The following DISC1 variants were observed in gnomAD, a reference collection of about 807,000 sequenced individuals.
The protein encoded by DISC1 is disrupted in schizophrenia 1 protein.
A neutral mutation model predicts 84.5 loss-of-function variants in DISC1; 57 were observed. The observed-to-expected ratio is 0.67, with a 90% CI of 0.55 to 0.84. The LOEUF is 0.84. DISC1 is among the 40% of genes least tolerant of loss of function. DISC1 has a pLI of 0.00. For missense variants in DISC1, 1,000 were observed against 1,057.8 expected, an observed-to-expected ratio of 0.95 and a Z score of 0.76; for synonymous variants, 411 against 415.2, an observed-to-expected ratio of 0.99 and a Z score of 0.12.
intron 9 of DISC1, among the ~76,000 whole-genome samples, chr1:231,864,361 A>G (rs2084895605): frequency 6.6e-6 from 1 of 152,086 alleles, no homozygotes; most frequent in Non-Finnish European, 1.5e-5. Flanking sequence ...TGGTAGTGTC[A>G]TTAGAAAACC....
intron 6 of DISC1, chr1:231,771,522 G>GT: frequency 1.0e-6 from 1 of 985,422 alleles, no homozygotes; most frequent in South Asian, 4.7e-5. Flanking sequence ...ATTGTTACTG[G>GT]TAGCTAAAAT....
At chr1:231,816,210 A>T (rs2125741075) in intron 8 of DISC1, among the ~76,000 whole-genome samples, 1 of 152,278 alleles carries the variant, frequency 6.6e-6, no homozygotes, top group Admixed American at 6.5e-5. Context: ...ATGATGTCAA[A>T]TGTTTTTTCA....
chr1:231,933,610 C>T (rs1337991168), intron 9 of DISC1, among the ~76,000 whole-genome samples: 1 of 152,144 alleles, frequency 6.6e-6, no homozygotes, highest in Non-Finnish European at 1.5e-5. Flanking sequence ...GTTCTCATCC[C>T]TAGTATTGTG....
At chr1:231,936,760 GC>G (rs1450106761) in intron 9 of DISC1, among the ~76,000 whole-genome samples, 1 of 152,140 alleles carries the variant, frequency 6.6e-6, no homozygotes, top group Admixed American at 6.5e-5. Flanking sequence ...TTAAGAAGGA[GC>G]CCATAGGAGT....
At chr1:231,683,546 C>T (rs961915754) in intron 1 of DISC1, among the ~76,000 whole-genome samples, 2 of 149,572 alleles carry the variant, frequency 1.3e-5, no homozygotes, top group African/African-American at 4.9e-5. Flanking sequence ...CTGGGCACAT[C>T]TAGGATGCAT....
intron 9 of DISC1, among the ~76,000 whole-genome samples, chr1:231,948,618 A>C (rs2126151627): frequency 6.6e-6 from 1 of 152,036 alleles, no homozygotes; most frequent in East Asian, 1.9e-4. Context: ...AAAAAAAAGA[A>C]GTGCTCCCAG....
chr1:231,801,574 C>T (rs1427264863), intron 8 of DISC1, among the ~76,000 whole-genome samples: 3 of 152,100 alleles, frequency 2.0e-5, no homozygotes, highest in Non-Finnish European at 4.4e-5. Context: ...CTGAATTAAC[C>T]CTCCTGGTAA....
At chr1:231,776,923 C>G (rs1034251315) in intron 6 of DISC1, among the ~76,000 whole-genome samples, 5 of 152,144 alleles carry the variant, frequency 3.3e-5, no homozygotes, top group Non-Finnish European at 7.3e-5. Context: ...CATTAATGCT[C>G]TTGCCCCGGG....
intron 8 of DISC1, among the ~76,000 whole-genome samples, chr1:231,803,251 AGCAAGTGTCCCAAGAGAAAG>A (rs2079420260): frequency 6.6e-6 from 1 of 152,188 alleles, no homozygotes; most frequent in South Asian, 2.1e-4. Context: ...GGGTTCCAAG[AGCAAGTGTCCCAAGAGAAAG>A]GAAATGGAAA....
At chr1:232,025,524 A>G (rs982933553) in intron 11 of DISC1, among the ~76,000 whole-genome samples, 7 of 152,076 alleles carry the variant, frequency 4.6e-5, no homozygotes, top group African/African-American at 1.7e-4. Context: ...GATCAATACT[A>G]CGTGCCTGTC....
At position 231,799,012 on chromosome 1, in the gene DISC1, T is replaced by C. The variant is rs576542226; in HGVS notation, c.1690-1096T>C. Among the ~76,000 whole-genome samples, 11 of 152,238 alleles carry C rather than the reference T, an allele frequency of 7.2e-5. No homozygotes were observed. The South Asian group carries it at 1.7e-3, about 23-fold the overall frequency. Reference sequence around the variant, plus strand: ...GGTAGCTCATTAATCTGAGTCTAGATAACATTGGCATATGAAAAGTCTTGA... The same window carrying C: ...GGTAGCTCATTAATCTGAGTCTAGACAACATTGGCATATGAAAAGTCTTGA... On this transcript the variant is annotated intron_variant, in intron 7 of 12. Transcript: ENST00000439617.
intron 6 of DISC1, among the ~76,000 whole-genome samples, chr1:231,788,634 G>C (rs966718116): frequency 6.6e-6 from 1 of 152,194 alleles, no homozygotes. Flanking sequence ...CCCTCTAACA[G>C]AGATAAACCA....
chr1:231,968,240 C>T (rs555140293), intron 10 of DISC1, among the ~76,000 whole-genome samples: 11 of 152,230 alleles, frequency 7.2e-5, no homozygotes, highest in African/African-American at 1.7e-4. Context: ...TGCAGTTCTT[C>T]GGAGAGAGAA....
At chr1:231,896,861 C>T (rs1205761649) in intron 9 of DISC1, among the ~76,000 whole-genome samples, 2 of 152,164 alleles carry the variant, frequency 1.3e-5, no homozygotes, top group East Asian at 1.9e-4. Flanking sequence ...GAAGTCCTGC[C>T]TATAATTGAG....
intron 9 of DISC1, chr1:231,866,776 G>A (rs1248601004): frequency 1.1e-5 from 13 of 1,204,070 alleles, no homozygotes; most frequent in Admixed American, 7.0e-5. Flanking sequence ...TTGACGAAAG[G>A]GTATAATTAA....
intron 9 of DISC1, among the ~76,000 whole-genome samples, chr1:231,940,497 C>T (rs1409210393): frequency 6.6e-6 from 1 of 152,164 alleles, no homozygotes; most frequent in African/African-American, 2.4e-5. Context: ...TTTTAAATGT[C>T]GTATTCTCCT....
intron 10 of DISC1, among the ~76,000 whole-genome samples, chr1:231,979,225 G>T (rs1320144233): frequency 6.6e-6 from 1 of 151,716 alleles, no homozygotes; most frequent in African/African-American, 2.4e-5. Flanking sequence ...TCTACATTAT[G>T]GTGAGTTGTA....
At chr1:231,665,285 A>T (rs183958319) in intron 1 of DISC1, among the ~76,000 whole-genome samples, 6 of 151,750 alleles carry the variant, frequency 4.0e-5, no homozygotes, top group Admixed American at 1.3e-4. Context: ...TTGCAATGAA[A>T]GTTATCTCTT....
At chr1:231,909,399 G>A (rs539378155) in intron 9 of DISC1, among the ~76,000 whole-genome samples, 67 of 152,158 alleles carry the variant, frequency 4.4e-4, no homozygotes, top group African/African-American at 1.4e-3. Context: ...GAATTTTGTC[G>A]AAGGCCTTTT....
Sources: gnomAD v4.1 joint callset for allele counts (sites outside exome capture counted in the v4.1 genomes callset) on GRCh38, gnomAD v4.1.1 for gene constraint, MANE v1.5 for transcripts, NCBI Gene and HGNC (gene_info 2026-07-23, HGNC 2026-07-21) for gene names.